UBE2E2: variants seen among roughly 807,000 people sequenced by gnomAD.
The protein encoded by UBE2E2 is ubiquitin-conjugating enzyme E2 E2.
Under a neutral mutation model 24.7 loss-of-function variants are expected in UBE2E2, and 6 were observed. That is an observed-to-expected ratio of 0.24 (90% CI 0.13 to 0.48). The LOEUF is 0.48. UBE2E2 is among the 20% of genes least tolerant of loss of function. UBE2E2 has a pLI of 0.99. For missense variants in UBE2E2, 169 were observed against 245.0 expected, an observed-to-expected ratio of 0.69 and a Z score of 2.07; for synonymous variants, 104 against 83.6, an observed-to-expected ratio of 1.24 and a Z score of -1.33.
At chr3:23,535,430 G>GA (rs1411206034) in intron 5 of UBE2E2, among the ~76,000 whole-genome samples, 2 of 151,974 alleles carry the variant, frequency 1.3e-5, no homozygotes, top group South Asian at 4.1e-4. Flanking sequence ...TTTTACAATC[G>GA]AAAAAAGCTG....
chr3:23,365,198 C>T (rs1013896005), intron 3 of UBE2E2, among the ~76,000 whole-genome samples: 2 of 152,116 alleles, frequency 1.3e-5, no homozygotes, highest in African/African-American at 4.8e-5. Context: ...GAAGCATTCC[C>T]CTTGAGAACC....
intron 4 of UBE2E2, among the ~76,000 whole-genome samples, chr3:23,515,117 TGG>T (rs1694698410): frequency 1.9e-5 from 2 of 107,880 alleles, no homozygotes; most frequent in African/African-American, 4.8e-5. Context: ...AAAATAAACT[TGG>T]GGTGTGTGTG....
chr3:23,487,534 G>A (rs997970852), intron 3 of UBE2E2, among the ~76,000 whole-genome samples: 31 of 152,262 alleles, frequency 2.0e-4, no homozygotes, highest in African/African-American at 6.3e-4. Flanking sequence ...CGCTACTACC[G>A]CCATCAATAG....
At chr3:23,432,583 C>G (rs1698086329) in intron 3 of UBE2E2, among the ~76,000 whole-genome samples, 1 of 151,930 alleles carries the variant, frequency 6.6e-6, no homozygotes, top group South Asian at 2.1e-4. Flanking sequence ...CTACCATGTT[C>G]TTTTTCTCCT....
At chr3:23,314,577 C>T (rs902628341) in intron 3 of UBE2E2, among the ~76,000 whole-genome samples, 1 of 152,170 alleles carries the variant, frequency 6.6e-6, no homozygotes, top group Non-Finnish European at 1.5e-5. Context: ...TTTCTTCTTG[C>T]TCATTAATAC....
intron 3 of UBE2E2, among the ~76,000 whole-genome samples, chr3:23,248,642 ATAATT>A (rs758137912): frequency 6.6e-6 from 1 of 152,238 alleles, no homozygotes; most frequent in Non-Finnish European, 1.5e-5. Context: ...CTTGAGAAAT[ATAATT>A]TAAGAGTGCA....
chr3:23,328,787 G>A (rs1229463322), intron 3 of UBE2E2, among the ~76,000 whole-genome samples: 1 of 151,640 alleles, frequency 6.6e-6, no homozygotes, highest in South Asian at 2.1e-4. Flanking sequence ...TCAGCCTCCT[G>A]AGTAGCTGGG....
intron 3 of UBE2E2, among the ~76,000 whole-genome samples, chr3:23,388,105 A>G (rs560550575): frequency 1.4e-4 from 21 of 152,292 alleles, no homozygotes; most frequent in African/African-American, 4.3e-4. Flanking sequence ...ACCTAAGAAA[A>G]ATTACCAAAC....
At chr3:23,476,717 A>C (rs2125438629) in intron 3 of UBE2E2, among the ~76,000 whole-genome samples, 1 of 152,264 alleles carries the variant, frequency 6.6e-6, no homozygotes, top group South Asian at 2.1e-4. Flanking sequence ...TAAAAAATTA[A>C]TTTACTCAAT....
chr3:23,313,653 G>C (rs1694478884), intron 3 of UBE2E2, among the ~76,000 whole-genome samples: 2 of 152,066 alleles, frequency 1.3e-5, no homozygotes, highest in African/African-American at 4.8e-5. Flanking sequence ...AAAGTGCTGG[G>C]ATTACAGGTG....
At chr3:23,482,580 C>G (rs979714107) in intron 3 of UBE2E2, among the ~76,000 whole-genome samples, 1 of 152,102 alleles carries the variant, frequency 6.6e-6, no homozygotes, top group South Asian at 2.1e-4. Flanking sequence ...TCTTCCTAAC[C>G]TTTGCTGATG....
At chr3:23,286,560 G>A (rs917281840) in intron 3 of UBE2E2, among the ~76,000 whole-genome samples, 2 of 152,186 alleles carry the variant, frequency 1.3e-5, no homozygotes, top group Non-Finnish European at 2.9e-5. Context: ...GAGCTCTGTA[G>A]TATAATTTGA....
chr3:23,542,330 G>T (rs946338949), intron 5 of UBE2E2, among the ~76,000 whole-genome samples: 1 of 152,208 alleles, frequency 6.6e-6, no homozygotes, highest in African/African-American at 2.4e-5. Flanking sequence ...TTAGAGTTGG[G>T]GTTAATCATA....
intron 3 of UBE2E2, among the ~76,000 whole-genome samples, chr3:23,339,813 G>T (rs1695332098): frequency 6.6e-6 from 1 of 151,972 alleles, no homozygotes. Flanking sequence ...TTGAAATACA[G>T]TAATTGCACT....
Position 23,298,071 on chromosome 3 carries a change from T to C in UBE2E2, c.227+80759T>C, listed in dbSNP as rs890880311. On this transcript the variant is annotated intron_variant, in intron 3 of 5. Coordinates refer to ENST00000396703, the MANE Select transcript of UBE2E2 (RefSeq NM_152653.4). ...GCAATTGTGAATGGGAGTTCACTTA[T>C]GATTTGGCTCTCTGTTTGTCTCTTA... Among the ~76,000 whole-genome samples the C allele has an allele frequency of 2.6e-5, 4 of 152,062 alleles. No individual in the cohort carries two copies. The East Asian group carries it at 5.8e-4, about 22-fold the overall frequency.
intron 3 of UBE2E2, among the ~76,000 whole-genome samples, chr3:23,312,033 C>G (rs934249168): frequency 6.6e-6 from 1 of 152,158 alleles, no homozygotes; most frequent in Non-Finnish European, 1.5e-5. Flanking sequence ...GTACCATCTT[C>G]ATGATAGTGA....
At chr3:23,450,272 A>G (rs528797264) in intron 3 of UBE2E2, among the ~76,000 whole-genome samples, 3 of 152,208 alleles carry the variant, frequency 2.0e-5, no homozygotes, top group Non-Finnish European at 4.4e-5. Context: ...AACTTTCTGC[A>G]CTGATGGAAA....
At chr3:23,344,804 C>T (rs148360148) in intron 3 of UBE2E2, among the ~76,000 whole-genome samples, 3,424 of 144,698 alleles carry the variant, frequency 0.024, 57 homozygotes, top group Non-Finnish European at 0.035. Context: ...GGTGACAGAG[C>T]GAGACCCAGT....
chr3:23,497,661 G>T (rs1452825133), intron 3 of UBE2E2, among the ~76,000 whole-genome samples: 2 of 152,100 alleles, frequency 1.3e-5, no homozygotes, highest in African/African-American at 2.4e-5. Context: ...ACTAATATCT[G>T]TGTATATTTT....
Sources: gnomAD v4.1 joint callset for allele counts (sites outside exome capture counted in the v4.1 genomes callset) on GRCh38, gnomAD v4.1.1 for gene constraint, MANE v1.5 for transcripts, NCBI Gene and HGNC (gene_info 2026-07-23, HGNC 2026-07-21) for gene names.